Variants in ROBO1 observed in about 807,000 individuals in gnomAD.
ROBO1 encodes roundabout homolog 1.
A neutral mutation model predicts 195.9 loss-of-function variants in ROBO1; 149 were observed. The ratio of observed to expected loss-of-function variants is 0.76; its 90% CI spans 0.67 to 0.87. The LOEUF is 0.87. ROBO1 is among the 40% of genes least tolerant of loss of function. The probability of loss-of-function intolerance (pLI) is 0.00; values close to 1 mark genes in which losing one functional copy is unlikely to be tolerated. For missense variants in ROBO1, 1,933 were observed against 2,068.3 expected (o/e 0.93, Z 1.27); for synonymous variants, 816 against 733.2 (o/e 1.11, Z -1.82).
chr3:79,559,523 C>G lies in ROBO1; in HGVS notation c.88+30301G>C, dbSNP rs188671466. Among the ~76,000 whole-genome samples the G allele has an allele frequency of 2.0e-5, 3 of 152,256 alleles. No homozygotes were observed. The East Asian group carries it at 5.8e-4, about 29-fold the overall frequency. On this transcript the variant is annotated intron_variant, in intron 2 of 30. Coordinates refer to ENST00000464233, the MANE Select transcript of ROBO1 (RefSeq NM_002941.4). ...TAACTCAGAGGTGGAAACACTTGTT[C>G]TTTCGATTTTAGAATTTTTGTGAAA...
rs1374317881 is a variant in ROBO1, at chr3:78,714,498, A to C, written c.944T>G (p.Leu315Trp). ...SRYEIRDDHT[L>W]KIRKVTAGDM... ...ACCAGCTGTCACCTTCCTAATTTTC[A>C]AGGTATGATCATCTCGGATTTCATA... Residue 315 changes from leucine (L) to tryptophan (W), a missense_variant, in exon 8 of 31, where the codon TTG becomes TGG. Coordinates refer to ENST00000464233, the MANE Select transcript of ROBO1 (RefSeq NM_002941.4). 1.2e-6 allele frequency: 2 copies of C among 1,612,090 alleles called. No homozygotes were observed. The highest frequency in any genetic ancestry group is 1.7e-6 in the Non-Finnish European group (2 of 1,179,118).
chr3:78,951,384 T>C lies in ROBO1; in HGVS notation c.173-12457A>G, dbSNP rs564845429. Reference sequence around the variant, plus strand: ...CCTATAAAACATCTGATAACCATCATTCTAGTTATGTGAATTTGTACATAT... The same window carrying C: ...CCTATAAAACATCTGATAACCATCACTCTAGTTATGTGAATTTGTACATAT... On this transcript the variant is annotated intron_variant, in intron 3 of 30. Transcript: ENST00000464233. 9.9e-5 allele frequency among the ~76,000 whole-genome samples: 15 copies of C among 152,278 alleles called. No homozygotes were observed. The East Asian group carries it at 2.3e-3, about 23-fold the overall frequency.
chr3:78,704,242 T>C (rs1387565778), intron 8 of ROBO1, among the ~76,000 whole-genome samples: 1 of 152,136 alleles, frequency 6.6e-6, no homozygotes, highest in East Asian at 1.9e-4. Flanking sequence ...TTCCAACAAA[T>C]GATTTAAATG....
chr3:78,799,461 C>A (rs1237682348), intron 4 of ROBO1, among the ~76,000 whole-genome samples: 1 of 152,118 alleles, frequency 6.6e-6, no homozygotes, highest in South Asian at 2.1e-4. Flanking sequence ...CCTGCCTCAG[C>A]CTCCTGAGTA....
intron 2 of ROBO1, among the ~76,000 whole-genome samples, chr3:79,332,504 C>A (rs1272786887): frequency 1.3e-5 from 2 of 152,202 alleles, no homozygotes; most frequent in East Asian, 3.9e-4. Context: ...AGCTCTTCCA[C>A]TAGAATACAT....
At chr3:79,535,052 T>C in intron 2 of ROBO1, among the ~76,000 whole-genome samples, 1 of 147,262 alleles carries the variant, frequency 6.8e-6, no homozygotes. Flanking sequence ...AAACAATTTG[T>C]AGGACTAATC....
intron 21 of ROBO1, among the ~76,000 whole-genome samples, 168 bp from the exon 22 acceptor site, chr3:78,640,066 A>C (rs1478575309): frequency 6.6e-6 from 1 of 152,164 alleles, no homozygotes; most frequent in Non-Finnish European, 1.5e-5. Context: ...ACTGTAATAT[A>C]AGGTTCTGGG....
chr3:79,514,495 G>A (rs552849937), intron 2 of ROBO1, among the ~76,000 whole-genome samples: 8 of 151,642 alleles, frequency 5.3e-5, no homozygotes, highest in Non-Finnish European at 8.8e-5. Context: ...AAAACCTTTG[G>A]GCTGGACACA....
chr3:79,317,610 G>T (rs1013075571), intron 2 of ROBO1, among the ~76,000 whole-genome samples: 1 of 152,004 alleles, frequency 6.6e-6, no homozygotes, highest in African/African-American at 2.4e-5. Flanking sequence ...CAAATATTCT[G>T]TTACCGTGTA....
intron 2 of ROBO1, among the ~76,000 whole-genome samples, chr3:79,556,128 T>A (rs1002119103): frequency 1.3e-5 from 2 of 152,134 alleles, no homozygotes; most frequent in African/African-American, 4.8e-5. Flanking sequence ...TAATCTTTTA[T>A]CTTTTATTCT....
intron 2 of ROBO1, among the ~76,000 whole-genome samples, chr3:79,260,339 A>G (rs2108938603): frequency 1.3e-5 from 2 of 152,118 alleles, no homozygotes; most frequent in South Asian, 4.1e-4. Flanking sequence ...AGATAAAAGA[A>G]TTTAGTGTTT....
chr3:79,173,530 G>A (rs952573395), intron 2 of ROBO1, among the ~76,000 whole-genome samples: 5 of 152,040 alleles, frequency 3.3e-5, no homozygotes, highest in South Asian at 2.1e-4. Flanking sequence ...CCGGCCCACC[G>A]GGTTCTCACT....
Position 79,747,893 on chromosome 3 carries a change from G to A in ROBO1, c.-51+19859C>T, listed in dbSNP as rs566540763. Among the ~76,000 whole-genome samples the A allele has an allele frequency of 2.0e-4, 31 of 151,758 alleles. 1 individual carries two copies. In the South Asian group the frequency reaches 6.4e-3, roughly 32 times the overall value. On this transcript the variant is annotated intron_variant, in intron 1 of 30. Coordinates refer to ENST00000464233, the MANE Select transcript of ROBO1 (RefSeq NM_002941.4). ...CACTATAAAGAGAAAACAAAAACAA[G>A]AAAAAAGAAAAATAATTTGAAATTG...
At chr3:79,314,716 C>T (rs976810613) in intron 2 of ROBO1, among the ~76,000 whole-genome samples, 10 of 152,206 alleles carry the variant, frequency 6.6e-5, no homozygotes, top group African/African-American at 2.4e-4. Context: ...ATACACTCTT[C>T]TAGTTGCTAT....
rs537881485 is a variant in ROBO1, at chr3:78,847,642, T to C, written c.499+90959A>G. On this transcript the variant is annotated intron_variant, in intron 4 of 30. Transcript: ENST00000464233. The stretch of plus-strand genomic sequence containing the variant: ...AAAATTCTAAACAGCCATTATCTTA[T>C]TAACCTTAACAACTCAGTTAGGTAG... Among the ~76,000 whole-genome samples, 25 of 152,326 alleles carry C rather than the reference T, an allele frequency of 1.6e-4. No individual in the cohort carries two copies. The South Asian group carries it at 4.1e-3, about 25-fold the overall frequency.
At chr3:79,154,349 T>A (rs2080822717) in intron 2 of ROBO1, among the ~76,000 whole-genome samples, 1 of 151,808 alleles carries the variant, frequency 6.6e-6, no homozygotes, top group Non-Finnish European at 1.5e-5. Flanking sequence ...AATGACATTT[T>A]GCATTTCAAA....
chr3:78,649,672 C>T (rs1706527799), intron 19 of ROBO1, among the ~76,000 whole-genome samples: 2 of 151,894 alleles, frequency 1.3e-5, no homozygotes, highest in African/African-American at 4.8e-5. Flanking sequence ...TGCCTAGAAA[C>T]AAAATTATGA....
At position 79,290,157 on chromosome 3, in the gene ROBO1, GC is replaced by G. The variant is rs201202548; in HGVS notation, c.89-164619del. 7.4e-3 allele frequency among the ~76,000 whole-genome samples: 1,127 copies of G among 152,132 alleles called. 14 individuals are homozygous for G. The highest frequency in any genetic ancestry group is 0.026 in the African/African-American group (1,086 of 41,494). On this transcript the variant is annotated intron_variant, in intron 2 of 30. Coordinates refer to ENST00000464233, the MANE Select transcript of ROBO1 (RefSeq NM_002941.4). ...GGATTCAAGTGATTCTCCTGCCTCAGCCTCCCTAGTAGCTGGGAGTAGTCCG... is the reference window on the plus strand; with the variant it reads ...GGATTCAAGTGATTCTCCTGCCTCAGCTCCCTAGTAGCTGGGAGTAGTCCG...
intron 1 of ROBO1, among the ~76,000 whole-genome samples, chr3:79,689,877 A>C (rs1372560833): frequency 1.3e-5 from 2 of 152,018 alleles, no homozygotes; most frequent in African/African-American, 4.8e-5. Context: ...ATAAAATTTC[A>C]AACCTAAAAT....
Sources: gnomAD v4.1 joint callset for allele counts (sites outside exome capture counted in the v4.1 genomes callset) on GRCh38, gnomAD v4.1.1 for gene constraint, MANE v1.5 for transcripts, NCBI Gene and HGNC (gene_info 2026-07-23, HGNC 2026-07-21) for gene names.